Variants in TCF25 observed in about 807,000 individuals in gnomAD.
TCF25 encodes TCF25 ribosome quality control complex subunit.
A neutral mutation model predicts 83.1 loss-of-function variants in TCF25; 41 were observed. The observed-to-expected ratio is 0.49, with a 90% CI of 0.38 to 0.64. The LOEUF is 0.64. Ranked by LOEUF, TCF25 falls within the 30% of genes least tolerant of loss-of-function variation. TCF25 has a pLI of 0.00. For missense variants in TCF25, 979 were observed against 914.5 expected (o/e 1.07, Z -0.91); for synonymous variants, 458 against 365.0 (o/e 1.25, Z -2.90).
At position 89,885,920 on chromosome 16, in the gene TCF25, C is replaced by T. The variant is rs767274365; in HGVS notation, c.502C>T (p.Pro168Ser). Residue 168 changes from proline (P) to serine (S), a missense_variant, in exon 4 of 18, where the codon CCA (proline) becomes TCA (serine). Pro to Ser is a moderately conservative substitution (Grantham distance 74). Transcript: ENST00000263346. ...EDSTGLNRPG[P>S]APLSSRKHVL... ...CAGCACTGGGTTGAACCGTCCCGGC[C>T]CAGCTCCCCTGAGCTCCAGGAAGCA... 1.9e-6 allele frequency: 3 copies of T among 1,596,472 alleles called. No homozygotes were observed. Among genetic ancestry groups the T allele is most frequent in the Non-Finnish European group, 2.6e-6 (3 of 1,171,000 alleles).
chr16:89,910,661 G>A lies in TCF25; in HGVS notation c.1870G>A (p.Glu624Lys). ...FRSLLPNYTM[E>K]GERPEEGVAG... ...GTCACTGTTGCCAAACTATACCATG[G>A]AGGTAGGTTGAGCTCGTCCCAGCCC... The change falls in exon 17 of 18, where the codon GAG (glutamate) becomes AAG (lysine). Residue 624 changes from glutamate (E) to lysine (K), a missense_variant and splice_region_variant. Coordinates refer to ENST00000263346, the MANE Select transcript of TCF25 (RefSeq NM_014972.3). The A allele has an allele frequency of 6.2e-7, 1 of 1,613,440 alleles. No homozygotes were observed. The highest frequency in any genetic ancestry group is 8.5e-7 in the Non-Finnish European group (1 of 1,179,962).
At chr16:89,910,230 T>C in intron 16 of TCF25, 1 of 292,916 alleles carries the variant, frequency 3.4e-6, no homozygotes, top group Non-Finnish European at 6.6e-6. Flanking sequence ...AGCTTCTGCC[T>C]TTGCGTAAGG....
intron 1 of TCF25, among the ~76,000 whole-genome samples, chr16:89,876,415 G>A (rs2042192832): frequency 6.6e-6 from 1 of 152,184 alleles, no homozygotes; most frequent in Admixed American, 6.6e-5. Flanking sequence ...GAGAGACATG[G>A]TGTTTCTCTT....
chr16:89,897,284 C>T lies in TCF25; in HGVS notation c.1022+1201C>T, dbSNP rs1003667733. Among the ~76,000 whole-genome samples, 11 of 152,380 alleles carry T rather than the reference C, an allele frequency of 7.2e-5. No individual in the cohort carries two copies. The East Asian group carries it at 1.4e-3, about 19-fold the overall frequency. ...AGATACTTCTGCCCCTAAAGCCATC[C>T]CTCTGGCATCAGGCCTCGCTGGTCA... is the stretch of plus-strand genomic sequence containing the variant. On this transcript the variant is annotated intron_variant, in intron 9 of 17. Transcript: ENST00000263346.
At chr16:89,895,164 C>A in intron 8 of TCF25, 27 bp downstream of exon 8, 1 of 1,602,632 alleles carries the variant, frequency 6.2e-7, no homozygotes. Context: ...ACCCCATTCC[C>A]CTCAGCTGTG....
chr16:89,896,577 G>A (rs560012206), intron 9 of TCF25, among the ~76,000 whole-genome samples: 33 of 141,708 alleles, frequency 2.3e-4, no homozygotes, highest in African/African-American at 7.7e-4. Flanking sequence ...TTTTTGAGAC[G>A]GAGTCTCACT....
chr16:89,882,987 A>G (rs2042722102), intron 1 of TCF25, among the ~76,000 whole-genome samples: 1 of 152,224 alleles, frequency 6.6e-6, no homozygotes, highest in Non-Finnish European at 1.5e-5. Context: ...GAAAGGAGGA[A>G]GAAGGAACTT....
intron 7 of TCF25, among the ~76,000 whole-genome samples, chr16:89,894,373 C>T (rs1046241873): frequency 1.3e-4 from 19 of 151,750 alleles, no homozygotes; most frequent in African/African-American, 4.1e-4. Context: ...GGACGGCCCC[C>T]GCGCAGCCCC....
At chr16:89,875,161 G>C (rs1383156165) in intron 1 of TCF25, among the ~76,000 whole-genome samples, 2 of 152,154 alleles carry the variant, frequency 1.3e-5, no homozygotes, top group Non-Finnish European at 2.9e-5. Flanking sequence ...CACTGTGCTT[G>C]GCCCCGTAAG....
rs1278229045 is a variant in TCF25, at chr16:89,911,226, G to A, written c.2019G>A (p.Gly673=). ...ACGAGGACGACGCTGAGGGGGAGGG[G>A]GAGTGGGACTGAGCGTCCGCAGAGG... is the stretch of plus-strand genomic sequence containing the variant. ...APHEDDAEGE[G]EWD The change falls in exon 18 of 18, where the codon GGG becomes GGA. Residue 673 remains glycine, a synonymous_variant. Coordinates refer to ENST00000263346, the MANE Select transcript of TCF25 (RefSeq NM_014972.3). 2 of 1,612,454 alleles carry A rather than the reference G, an allele frequency of 1.2e-6. No homozygotes were observed. The highest frequency in any genetic ancestry group is 1.7e-4 in the Middle Eastern group (1 of 5,798).
chr16:89,893,577 G>A (rs1458306672), intron 6 of TCF25, 151 bp from the exon 7 acceptor site: 7 of 1,234,520 alleles, frequency 5.7e-6, no homozygotes, highest in South Asian at 1.4e-5. Context: ...GAAGGTGTCC[G>A]GAGCTGGTGA....
At position 89,900,811 on chromosome 16, in the gene TCF25, T is replaced by A; in HGVS notation, c.1381+17T>A. On this transcript the variant is annotated intron_variant, in intron 12 of 17. Coordinates refer to ENST00000263346, the MANE Select transcript of TCF25 (RefSeq NM_014972.3). ...TCCCTGGAGGTGAGTGAGCGCTGTGTCTCGCCTGGGGTAGGGGTGTGTCCT... is the reference window on the plus strand; with the variant it reads ...TCCCTGGAGGTGAGTGAGCGCTGTGACTCGCCTGGGGTAGGGGTGTGTCCT... 1 of 1,558,100 alleles carries A rather than the reference T, an allele frequency of 6.4e-7. No homozygotes were observed. Among genetic ancestry groups the A allele is most frequent in the East Asian group, 2.3e-5 (1 of 43,796 alleles).
chr16:89,891,711 G>A (rs1215720009), intron 5 of TCF25, among the ~76,000 whole-genome samples: 1 of 152,188 alleles, frequency 6.6e-6, no homozygotes, highest in Non-Finnish European at 1.5e-5. Flanking sequence ...TGGGCATGTG[G>A]ATATTAGTAC....
chr16:89,894,949 C>G lies in TCF25; in HGVS notation c.829-89C>G. 3 of 1,210,822 alleles carry G rather than the reference C, an allele frequency of 2.5e-6. No individual in the cohort carries two copies. In the South Asian group the frequency reaches 4.0e-5, roughly 16 times the overall value. 75.0% of individuals were successfully genotyped at this position (1,210,822 alleles called of 1,614,324 possible). On this transcript the variant is annotated intron_variant, in intron 7 of 17. Coordinates refer to ENST00000263346, the MANE Select transcript of TCF25 (RefSeq NM_014972.3). ...CGTGAGCCACTGCGCCCAGCCTCCG[C>G]TGGTTTTAAATGTCTGAAAAAAAGG...
intron 9 of TCF25, among the ~76,000 whole-genome samples, chr16:89,896,522 C>T (rs528373849): frequency 5.3e-5 from 8 of 151,094 alleles, no homozygotes; most frequent in South Asian, 4.2e-4. Flanking sequence ...GTCTGAGCAC[C>T]GTGGCAACAT....
intron 1 of TCF25, among the ~76,000 whole-genome samples, chr16:89,880,171 A>C (rs1267190998): frequency 1.4e-5 from 2 of 147,540 alleles, no homozygotes; most frequent in African/African-American, 2.4e-5. Context: ...CTGTCCGTGT[A>C]CACAGGCTCC....
intron 12 of TCF25, 142 bp from the exon 13 acceptor site, chr16:89,903,976 A>G (rs1194325790): frequency 1.3e-6 from 1 of 799,648 alleles, no homozygotes; most frequent in Non-Finnish European, 2.0e-6. Flanking sequence ...ACCCGGAAGC[A>G]AGCCGCTGGC....
chr16:89,882,752 A>C (rs1051796365), intron 1 of TCF25, among the ~76,000 whole-genome samples: 1 of 152,000 alleles, frequency 6.6e-6, no homozygotes, highest in Non-Finnish European at 1.5e-5. Flanking sequence ...GTGCCTGGCT[A>C]ATTTTTGTGT....
intron 16 of TCF25, chr16:89,910,299 C>T: frequency 4.0e-6 from 2 of 506,186 alleles, no homozygotes; most frequent in East Asian, 6.9e-5. Flanking sequence ...GGCACCTGTG[C>T]AGTGGCCGAG....
Sources: gnomAD v4.1 joint callset for allele counts (sites outside exome capture counted in the v4.1 genomes callset) on GRCh38, gnomAD v4.1.1 for gene constraint, MANE v1.5 for transcripts, NCBI Gene and HGNC (gene_info 2026-07-23, HGNC 2026-07-21) for gene names.